The following MACROD2 variants were observed in gnomAD, a reference collection of about 807,000 sequenced individuals.
The protein encoded by MACROD2 is mono-ADP ribosylhydrolase 2, also known as ADP-ribose glycohydrolase MACROD2.
MACROD2 carries 36 observed loss-of-function variants against 70.4 expected under a neutral mutation model. The ratio of observed to expected loss-of-function variants is 0.51; its 90% CI spans 0.39 to 0.68. The LOEUF is 0.68. Among genes scored for constraint, MACROD2 ranks in the 30% least tolerant of loss-of-function variants. The pLI, the probability that MACROD2 is intolerant of heterozygous loss-of-function variation, is 0.00. For synonymous variants in MACROD2, 172 were observed against 178.8 expected, an observed-to-expected ratio of 0.96 and a Z score of 0.30; for missense variants, 496 against 538.4, an observed-to-expected ratio of 0.92 and a Z score of 0.78.
chr20:15,758,186 A>T (rs2051376712), intron 8 of MACROD2, among the ~76,000 whole-genome samples: 1 of 151,694 alleles, frequency 6.6e-6, no homozygotes, highest in African/African-American at 2.4e-5. Flanking sequence ...TCATTTCTAT[A>T]TGATAAGGGT....
chr20:14,326,108 T>G lies in MACROD2; in HGVS notation c.272-167371T>G. 1.9e-6 allele frequency: 3 copies of G among 1,613,916 alleles called. No homozygotes were observed. The highest frequency in any genetic ancestry group is 2.5e-6 in the Non-Finnish European group (3 of 1,179,876). On this transcript the variant is annotated intron_variant, in intron 3 of 17. Coordinates refer to ENST00000684519, the MANE Select transcript of MACROD2 (RefSeq NM_001351661.2). The surrounding 1 kb of genome is among the most constrained non-coding windows in gnomAD (Gnocchi z 5.5). Reference sequence around the variant, plus strand: ...TAGGGTGAATCAGGCTCCAGGGCTGTGACCAAGTACTCACTGCGTTCCCCT... The same window carrying G: ...TAGGGTGAATCAGGCTCCAGGGCTGGGACCAAGTACTCACTGCGTTCCCCT...
intron 3 of MACROD2, among the ~76,000 whole-genome samples, chr20:14,088,476 G>A (rs572980925): frequency 1.9e-5 from 1 of 51,366 alleles, no homozygotes; most frequent in African/African-American, 7.5e-5. Context: ...ATGTACATAT[G>A]TATATAAATA....
chr20:15,742,845 G>T (rs1232080284), intron 8 of MACROD2, among the ~76,000 whole-genome samples: 1 of 152,148 alleles, frequency 6.6e-6, no homozygotes, highest in Non-Finnish European at 1.5e-5. Flanking sequence ...GCATAAGCGT[G>T]GGCTATTTCT....
chr20:15,469,223 A>C (rs1056580310), intron 7 of MACROD2, among the ~76,000 whole-genome samples: 1 of 152,218 alleles, frequency 6.6e-6, no homozygotes, highest in African/African-American at 2.4e-5. Context: ...CACAAAAACG[A>C]TTGATGTTAA....
intron 5 of MACROD2, among the ~76,000 whole-genome samples, chr20:14,875,936 A>G (rs760679196): frequency 6.6e-6 from 1 of 152,048 alleles, no homozygotes; most frequent in African/African-American, 2.4e-5. Context: ...GAATAGAACT[A>G]TGGTGAACTT....
chr20:14,379,483 C>A (rs776676906), intron 3 of MACROD2, among the ~76,000 whole-genome samples: 27 of 152,092 alleles, frequency 1.8e-4, no homozygotes, highest in Non-Finnish European at 3.2e-4. Context: ...CTATTTTAAC[C>A]ATTTTTAAGT....
intron 6 of MACROD2, among the ~76,000 whole-genome samples, chr20:15,276,866 A>G (rs996925635): frequency 6.6e-6 from 1 of 152,204 alleles, no homozygotes; most frequent in African/African-American, 2.4e-5. Flanking sequence ...GAACAAACTA[A>G]TAGTCTTTCA....
At chr20:15,623,087 G>T (rs187898706) in intron 8 of MACROD2, among the ~76,000 whole-genome samples, 5 of 152,290 alleles carry the variant, frequency 3.3e-5, no homozygotes, top group Admixed American at 3.3e-4. Context: ...AGGACTATGA[G>T]TAAACCAAGG....
At chr20:15,388,514 T>C (rs2045750676) in intron 6 of MACROD2, among the ~76,000 whole-genome samples, 1 of 152,188 alleles carries the variant, frequency 6.6e-6, no homozygotes, top group Non-Finnish European at 1.5e-5. Flanking sequence ...CACATTATTT[T>C]TAAGTATGTC....
chr20:15,338,572 T>C (rs2078074350), intron 6 of MACROD2, among the ~76,000 whole-genome samples: 3 of 151,724 alleles, frequency 2.0e-5, no homozygotes, highest in Admixed American at 6.5e-5. Context: ...CCTTAATGTG[T>C]GGCAGGAATT....
At chr20:15,813,823 A>C (rs1338471495) in intron 8 of MACROD2, among the ~76,000 whole-genome samples, 2 of 152,166 alleles carry the variant, frequency 1.3e-5, no homozygotes, top group Non-Finnish European at 2.9e-5. Flanking sequence ...AGATGTTTTA[A>C]TAGAGACAGT....
chr20:15,016,711 T>C (rs1466112324), intron 5 of MACROD2, among the ~76,000 whole-genome samples: 1 of 152,094 alleles, frequency 6.6e-6, no homozygotes, highest in Non-Finnish European at 1.5e-5. Flanking sequence ...GGACTTACAG[T>C]TGCACATGAC....
intron 5 of MACROD2, among the ~76,000 whole-genome samples, chr20:15,011,036 C>G (rs2075078749): frequency 6.6e-6 from 1 of 152,188 alleles, no homozygotes; most frequent in Non-Finnish European, 1.5e-5. Context: ...CTGCCTGATG[C>G]TAGTGACAAG....
chr20:14,276,465 T>C (rs1313410593), intron 3 of MACROD2, among the ~76,000 whole-genome samples: 6 of 102,360 alleles, frequency 5.9e-5, no homozygotes, highest in African/African-American at 2.4e-4. Context: ...CATCACACTC[T>C]GGGGACTGTT....
intron 10 of MACROD2, among the ~76,000 whole-genome samples, chr20:15,887,674 T>A (rs1170134821): frequency 6.6e-6 from 1 of 152,136 alleles, no homozygotes; most frequent in Admixed American, 6.6e-5. Context: ...AGTAGAAACA[T>A]AATGTGAGCC....
chr20:14,454,080 A>T (rs1232845637), intron 3 of MACROD2, among the ~76,000 whole-genome samples: 1 of 152,022 alleles, frequency 6.6e-6, no homozygotes, highest in Non-Finnish European at 1.5e-5. Flanking sequence ...GTTCCTCTAT[A>T]GCTATTCTAA....
chr20:14,211,897 G>A (rs1478754684), intron 3 of MACROD2, among the ~76,000 whole-genome samples: 1 of 152,074 alleles, frequency 6.6e-6, no homozygotes, highest in Non-Finnish European at 1.5e-5. Context: ...GCTATCCTTT[G>A]TGGTTTCTCT....
intron 13 of MACROD2, among the ~76,000 whole-genome samples, chr20:15,973,370 AC>A (rs2066259499): frequency 6.6e-6 from 1 of 152,102 alleles, no homozygotes; most frequent in African/African-American, 2.4e-5. Context: ...CATTAGCCTG[AC>A]TCCATAAATA....
chr20:15,966,727 C>T (rs374171874), intron 12 of MACROD2, among the ~76,000 whole-genome samples: 1 of 152,010 alleles, frequency 6.6e-6, no homozygotes, highest in Non-Finnish European at 1.5e-5. Flanking sequence ...GGTAACAGAG[C>T]GAGAATCTGT....
Sources: gnomAD v4.1 joint callset for allele counts (sites outside exome capture counted in the v4.1 genomes callset) on GRCh38, gnomAD v4.1.1 for gene constraint, Gnocchi (gnomAD v3.1) non-coding constraint, MANE v1.5 for transcripts, NCBI Gene and HGNC (gene_info 2026-07-23, HGNC 2026-07-21) for gene names.